Variants in PCDH15 observed in about 807,000 individuals in gnomAD.
PCDH15 encodes protocadherin-15.
PCDH15 carries 129 observed loss-of-function variants against 178.5 expected under a neutral mutation model. That is an observed-to-expected ratio of 0.72 (90% CI 0.63 to 0.84). The LOEUF (loss-of-function observed/expected upper bound fraction) is 0.84. Among genes scored for constraint, PCDH15 ranks in the 40% least tolerant of loss-of-function variants. PCDH15 has a pLI of 0.00. For missense variants in PCDH15, 2,230 were observed against 2,099.9 expected (o/e 1.06, Z -1.21); for synonymous variants, 800 against 732.0 (o/e 1.09, Z -1.50).
At chr10:55,022,079 A>G (rs1018563288) in intron 2 of PCDH15, among the ~76,000 whole-genome samples, 19 of 152,182 alleles carry the variant, frequency 1.2e-4, no homozygotes, top group African/African-American at 1.9e-4. Context: ...ATGGATATAT[A>G]AAGTTAGATA....
chr10:54,010,251 GC>G (rs35511229), intron 20 of PCDH15, among the ~76,000 whole-genome samples: 50,513 of 151,892 alleles, frequency 0.33, 10,027 homozygotes, highest in Middle Eastern at 0.55. Flanking sequence ...TTACAGAAAA[GC>G]GGGTAGGCTG....
intron 1 of PCDH15, among the ~76,000 whole-genome samples, chr10:55,174,012 CA>C (rs1839413000): frequency 6.6e-6 from 1 of 152,022 alleles, no homozygotes; most frequent in Non-Finnish European, 1.5e-5. Flanking sequence ...ATCATGGAAA[CA>C]AAAATATTCA....
chr10:54,136,686 A>T (rs536887256), intron 14 of PCDH15, among the ~76,000 whole-genome samples: 1 of 152,314 alleles, frequency 6.6e-6, no homozygotes, highest in East Asian at 1.9e-4. Flanking sequence ...CGTATGAGTT[A>T]CTTGGATACT....
At chr10:54,989,466 G>T (rs546628709) in intron 2 of PCDH15, among the ~76,000 whole-genome samples, 4 of 152,330 alleles carry the variant, frequency 2.6e-5, no homozygotes, top group Admixed American at 6.5e-5. Flanking sequence ...AGCCACAGGG[G>T]CAGAGCTGCC....
chr10:54,986,719 T>C (rs909393291), intron 2 of PCDH15, among the ~76,000 whole-genome samples: 6 of 152,174 alleles, frequency 3.9e-5, no homozygotes, highest in Admixed American at 1.3e-4. Context: ...TAATCACTGT[T>C]TTATAACACA....
At chr10:54,837,031 A>G (rs1953329087) in intron 3 of PCDH15, among the ~76,000 whole-genome samples, 1 of 152,094 alleles carries the variant, frequency 6.6e-6, no homozygotes. Flanking sequence ...AGAAAACCAT[A>G]TTTTAGAAAT....
chr10:54,751,138 A>G (rs1322094300), intron 1 of PCDH15, among the ~76,000 whole-genome samples: 1 of 152,138 alleles, frequency 6.6e-6, no homozygotes, highest in Non-Finnish European at 1.5e-5. Flanking sequence ...AATATTTTAT[A>G]TTTGTGCTGC....
intron 3 of PCDH15, among the ~76,000 whole-genome samples, chr10:54,516,228 A>G (rs1299306302): frequency 6.6e-6 from 1 of 152,176 alleles, no homozygotes; most frequent in Non-Finnish European, 1.5e-5. Context: ...TGACGAGTTG[A>G]GAGAAGAAGG....
At chr10:55,242,764 T>A (rs1841585217) in intron 1 of PCDH15, among the ~76,000 whole-genome samples, 1 of 152,070 alleles carries the variant, frequency 6.6e-6, no homozygotes, top group Admixed American at 6.6e-5. Context: ...GGTGGGCGGA[T>A]CATCTGTGCC....
chr10:54,696,693 C>G (rs1040987623), intron 1 of PCDH15, among the ~76,000 whole-genome samples: 1 of 151,294 alleles, frequency 6.6e-6, no homozygotes, highest in East Asian at 1.9e-4. Context: ...AAAAAAAAAA[C>G]CGCCCTATTT....
intron 2 of PCDH15, among the ~76,000 whole-genome samples, chr10:55,122,162 G>T (rs1837788186): frequency 6.6e-6 from 1 of 152,114 alleles, no homozygotes; most frequent in Non-Finnish European, 1.5e-5. Flanking sequence ...TCTGTTTAGT[G>T]TCCATTTTTT....
intron 2 of PCDH15, among the ~76,000 whole-genome samples, chr10:54,568,216 T>A (rs2089310487): frequency 6.6e-6 from 1 of 152,022 alleles, no homozygotes; most frequent in Non-Finnish European, 1.5e-5. Context: ...GTGAATTTCC[T>A]TCTGCTTGAA....
intron 2 of PCDH15, among the ~76,000 whole-genome samples, chr10:55,503,338 A>G (rs1840695460): frequency 1.3e-5 from 2 of 149,000 alleles, no homozygotes; most frequent in South Asian, 4.2e-4. Context: ...ATTAAGTTTT[A>G]TTAATTAAAA....
intron 2 of PCDH15, among the ~76,000 whole-genome samples, chr10:55,523,164 A>G (rs938654429): frequency 4.7e-5 from 7 of 149,168 alleles, no homozygotes; most frequent in African/African-American, 1.7e-4. Flanking sequence ...TATTCCTCCT[A>G]AGATTTGGAA....
chr10:53,999,727 T>C (rs1302559247), intron 20 of PCDH15, among the ~76,000 whole-genome samples: 1 of 152,162 alleles, frequency 6.6e-6, no homozygotes, highest in African/African-American at 2.4e-5. Context: ...TCTAAGGTTT[T>C]GACTTCCAGA....
At chr10:55,161,749 C>T (rs1294585090) in intron 2 of PCDH15, among the ~76,000 whole-genome samples, 1 of 152,038 alleles carries the variant, frequency 6.6e-6, no homozygotes, top group Middle Eastern at 3.2e-3. Context: ...AAATTTTTAA[C>T]GGACCTTATC....
chr10:54,112,172 A>T lies in PCDH15; in HGVS notation c.1917+20703T>A, dbSNP rs147512429. 3.2e-3 allele frequency among the ~76,000 whole-genome samples: 489 copies of T among 151,696 alleles called. 3 individuals are homozygous for T. The highest frequency in any genetic ancestry group is 0.011 in the African/African-American group (445 of 41,344). On this transcript the variant is annotated intron_variant, in intron 15 of 37. Transcript: ENST00000644397. Reference sequence around the variant, plus strand: ...AAATAAATAAATAAATAAAATAAAGATCTTCTATTCTACCTCATTCCTCTG... The same window carrying T: ...AAATAAATAAATAAATAAAATAAAGTTCTTCTATTCTACCTCATTCCTCTG...
intron 2 of PCDH15, among the ~76,000 whole-genome samples, chr10:55,520,109 C>T (rs571219630): frequency 5.0e-4 from 59 of 118,368 alleles, no homozygotes; most frequent in Non-Finnish European, 7.6e-4. Context: ...TATATACACG[C>T]AATGTGTATA....
At chr10:55,107,484 CTTTTTTTTTTTTTTTTT>C (rs11290952) in intron 2 of PCDH15, among the ~76,000 whole-genome samples, 3 of 86,208 alleles carry the variant, frequency 3.5e-5, no homozygotes, top group Non-Finnish European at 6.0e-5. Flanking sequence ...ATTCTCTTTC[CTTTTTTTTTTTTTTTTT>C]TTTTTTTTGA....
Sources: allele counts gnomAD v4.1 joint callset (sites outside exome capture counted in the v4.1 genomes callset), GRCh38; gene constraint gnomAD v4.1.1; transcripts MANE v1.5; gene names NCBI Gene and HGNC (gene_info 2026-07-23, HGNC 2026-07-21).